Variants in MDGA2 observed in about 807,000 individuals in gnomAD.
MDGA2 encodes MAM domain-containing glycosylphosphatidylinositol anchor protein 2.
In MDGA2, 40 loss-of-function variants were observed where a neutral mutation model predicts 117.8. The ratio of observed to expected loss-of-function variants is 0.34; its 90% CI spans 0.26 to 0.44. The LOEUF (loss-of-function observed/expected upper bound fraction) is 0.44. Among genes scored for constraint, MDGA2 ranks in the 20% least tolerant of loss-of-function variants. The pLI, the probability that MDGA2 is intolerant of heterozygous loss-of-function variation, is 1.00. For synonymous variants in MDGA2, 452 were observed against 439.0 expected (o/e 1.03, Z -0.37); for missense variants, 1,123 against 1,250.6 (o/e 0.90, Z 1.54).
intron 8 of MDGA2, among the ~76,000 whole-genome samples, chr14:47,032,999 C>T (rs918810105): frequency 6.6e-6 from 1 of 152,128 alleles, no homozygotes; most frequent in African/African-American, 2.4e-5. Flanking sequence ...GGGATGCAGA[C>T]AAATTGTATC....
chr14:47,466,555 T>A (rs1341935054), intron 1 of MDGA2, among the ~76,000 whole-genome samples: 2 of 152,106 alleles, frequency 1.3e-5, no homozygotes, highest in African/African-American at 4.8e-5. Context: ...AGCCTCTCTG[T>A]GACAAAGCTG....
intron 1 of MDGA2, among the ~76,000 whole-genome samples, chr14:47,338,945 A>G (rs538091116): frequency 1.5e-3 from 232 of 152,260 alleles, no homozygotes; most frequent in Middle Eastern, 3.4e-3. Flanking sequence ...TCCTAATTTA[A>G]TTATCACAGT....
chr14:47,657,639 T>G (rs1314946461), intron 1 of MDGA2, among the ~76,000 whole-genome samples: 1 of 152,140 alleles, frequency 6.6e-6, no homozygotes, highest in East Asian at 1.9e-4. Context: ...CAGTGCCCCA[T>G]AAAACACATC....
chr14:47,482,609 T>C (rs567963625), intron 1 of MDGA2, among the ~76,000 whole-genome samples: 2 of 152,212 alleles, frequency 1.3e-5, no homozygotes, highest in African/African-American at 4.8e-5. Context: ...AATTTCTAGA[T>C]TATACTACAA....
rs139277931 is a variant in MDGA2, at chr14:47,534,122, T to C, written c.280+140395A>G. On this transcript the variant is annotated intron_variant, in intron 1 of 16. Transcript: ENST00000399232. ...CCAATGGGTGAGACATGGGGCTCAA[T>C]AGAAGTTCAAAGACAGTGAGCTAAT... Among the ~76,000 whole-genome samples, 15 of 152,274 alleles carry C rather than the reference T, an allele frequency of 9.9e-5. 1 individual carries two copies. Among genetic ancestry groups the C allele is most frequent in the Non-Finnish European group, 1.8e-4 (12 of 68,016 alleles).
chr14:47,147,179 A>G (rs1052206300), intron 3 of MDGA2, among the ~76,000 whole-genome samples: 1 of 150,156 alleles, frequency 6.7e-6, no homozygotes, highest in Non-Finnish European at 1.5e-5. Flanking sequence ...TTATATATAT[A>G]ATAATATATA....
intron 1 of MDGA2, among the ~76,000 whole-genome samples, chr14:47,634,215 T>C (rs1481435729): frequency 6.6e-6 from 1 of 152,152 alleles, no homozygotes; most frequent in East Asian, 1.9e-4. Flanking sequence ...AAAACTAAAA[T>C]CTATCTAGAT....
At chr14:47,177,782 C>G (rs886812818) in intron 3 of MDGA2, among the ~76,000 whole-genome samples, 2 of 151,640 alleles carry the variant, frequency 1.3e-5, no homozygotes, top group Non-Finnish European at 2.9e-5. Context: ...CACATGTACC[C>G]TAAAACTTAA....
chr14:46,924,953 G>A (rs1884271889), intron 9 of MDGA2, among the ~76,000 whole-genome samples: 1 of 152,120 alleles, frequency 6.6e-6, no homozygotes, highest in Admixed American at 6.5e-5. Flanking sequence ...AGGCCCATGG[G>A]AGATAAGGTT....
Position 47,301,344 on chromosome 14 carries a change from T to C in MDGA2, c.420+67A>G. Reference sequence around the variant, plus strand: ...ACAGTTTTAGCTAAATATTCTAAAATATACACTTTTTGACTTCTGAGAAAA... The same window carrying C: ...ACAGTTTTAGCTAAATATTCTAAAACATACACTTTTTGACTTCTGAGAAAA... On this transcript the variant is annotated intron_variant, in intron 2 of 16. Coordinates refer to ENST00000399232, the MANE Select transcript of MDGA2 (RefSeq NM_001113498.3). The C allele has an allele frequency of 1.6e-5, 24 of 1,513,786 alleles. No homozygotes were observed. The South Asian group carries it at 2.6e-4, about 16-fold the overall frequency. The allele number at this position is 1,513,786 out of a possible 1,614,324, so 93.8% of individuals were successfully genotyped here.
chr14:46,877,531 C>G (rs1345823210), intron 11 of MDGA2, 22 bp from the exon 12 acceptor site: 2 of 1,503,462 alleles, frequency 1.3e-6, no homozygotes, highest in African/African-American at 1.4e-5. Context: ...GCAAAAGAAA[C>G]AAACAAACAA....
chr14:47,083,403 T>C (rs761395060), intron 6 of MDGA2, among the ~76,000 whole-genome samples: 5 of 151,808 alleles, frequency 3.3e-5, no homozygotes, highest in Non-Finnish European at 7.4e-5. Context: ...TAAATCAAAA[T>C]GTAAACCTGA....
intron 3 of MDGA2, among the ~76,000 whole-genome samples, chr14:47,175,211 A>C (rs1054171866): frequency 1.3e-5 from 2 of 151,672 alleles, no homozygotes; most frequent in Non-Finnish European, 2.9e-5. Flanking sequence ...GCCGAATTCT[A>C]CCAGAGGTAC....
chr14:47,645,824 G>A (rs113084204), intron 1 of MDGA2, among the ~76,000 whole-genome samples: 4,135 of 151,766 alleles, frequency 0.027, 112 homozygotes, highest in African/African-American at 0.071. Context: ...TGTAATCCCA[G>A]CACTCTGGGA....
At chr14:46,863,726 C>T (rs572227275) in intron 14 of MDGA2, among the ~76,000 whole-genome samples, 21 of 152,134 alleles carry the variant, frequency 1.4e-4, no homozygotes, top group African/African-American at 5.1e-4. Context: ...CTTAAACACA[C>T]TAGATTTTAT....
chr14:47,540,520 A>ATGTGTGTGTG (rs147620834), intron 1 of MDGA2, among the ~76,000 whole-genome samples: 9,078 of 98,940 alleles, frequency 0.092, 1,201 homozygotes, highest in South Asian at 0.2. Flanking sequence ...GTATATGTAT[A>ATGTGTGTGTG]TGTGTGTGTG....
At chr14:47,026,951 C>T (rs562109965) in intron 8 of MDGA2, among the ~76,000 whole-genome samples, 168 of 152,032 alleles carry the variant, frequency 1.1e-3, no homozygotes, top group African/African-American at 3.9e-3. Flanking sequence ...ATGGGAGGGA[C>T]GCTTGAGGCC....
In MDGA2 at chr14:47,493,577, C is replaced by A. The variant is rs546711364; in HGVS notation, c.280+180940G>T. On this transcript the variant is annotated intron_variant, in intron 1 of 16. Transcript: ENST00000399232. The stretch of plus-strand genomic sequence containing the variant: ...AAATGATCCACCCACCTCGGCCTCC[C>A]AAAGTGCTGGGATTACAGGTGTGAG... Among the ~76,000 whole-genome samples the A allele has an allele frequency of 2.0e-5, 3 of 152,066 alleles. No individual in the cohort carries two copies. In the South Asian group the frequency reaches 6.2e-4, roughly 32 times the overall value.
intron 8 of MDGA2, among the ~76,000 whole-genome samples, chr14:46,970,652 A>G (rs1461213652): frequency 6.6e-6 from 1 of 152,182 alleles, no homozygotes; most frequent in Non-Finnish European, 1.5e-5. Context: ...GTTAATGGCT[A>G]AGACATTGAA....
Sources: allele counts gnomAD v4.1 joint callset (sites outside exome capture counted in the v4.1 genomes callset), GRCh38; gene constraint gnomAD v4.1.1; transcripts MANE v1.5; gene names NCBI Gene and HGNC (gene_info 2026-07-23, HGNC 2026-07-21).